KCNIP4: variants seen among roughly 807,000 people sequenced by gnomAD.
KCNIP4 encodes potassium voltage-gated channel interacting protein 4, also known as Kv channel-interacting protein 4.
Under a neutral mutation model 34.0 loss-of-function variants are expected in KCNIP4, and 12 were observed. The observed-to-expected ratio is 0.35, with a 90% CI of 0.23 to 0.57. The LOEUF is 0.57. Among genes scored for constraint, KCNIP4 ranks in the 20% least tolerant of loss-of-function variants. The pLI, the probability that KCNIP4 is intolerant of heterozygous loss-of-function variation, is 0.83. For synonymous variants in KCNIP4, 124 were observed against 102.2 expected, an observed-to-expected ratio of 1.21 and a Z score of -1.29; for missense variants, 238 against 311.7, an observed-to-expected ratio of 0.76 and a Z score of 1.78.
At chr4:21,948,345 T>C (rs1439335936) in intron 1 of KCNIP4, among the ~76,000 whole-genome samples, 1 of 152,034 alleles carries the variant, frequency 6.6e-6, no homozygotes, top group Non-Finnish European at 1.5e-5. Context: ...CAAACACACT[T>C]CAAACATCTT....
At position 20,802,145 on chromosome 4, in the gene KCNIP4, A is replaced by ATATATATGC. The variant is rs1560475282; in HGVS notation, c.289-43264_289-43256dup. On this transcript the variant is annotated intron_variant, in intron 3 of 8. Transcript: ENST00000382152. ...ATGCTATATATATGCTATATATGCT[A>ATATATATGC]TATATATGCTATATATATGCTATAT... 7.6e-3 allele frequency among the ~76,000 whole-genome samples: 1,046 copies of ATATATATGC among 138,068 alleles called. 29 individuals are homozygous for ATATATATGC. The highest frequency in any genetic ancestry group is 0.027 in the African/African-American group (997 of 37,622). The allele number at this position is 138,068 out of a possible 152,430, so 90.6% of individuals were successfully genotyped here.
intron 1 of KCNIP4, among the ~76,000 whole-genome samples, chr4:21,889,577 C>T (rs1268141064): frequency 6.6e-6 from 1 of 152,058 alleles, no homozygotes; most frequent in Non-Finnish European, 1.5e-5. Context: ...AGAGGTTTCT[C>T]TTGGGGAGTG....
At chr4:21,247,379 T>C (rs1193860636) in intron 1 of KCNIP4, among the ~76,000 whole-genome samples, 1 of 151,832 alleles carries the variant, frequency 6.6e-6, no homozygotes, top group Non-Finnish European at 1.5e-5. Flanking sequence ...TTCTTGTTCA[T>C]TAGGACTCTT....
At chr4:21,311,356 G>A (rs62294089) in intron 1 of KCNIP4, among the ~76,000 whole-genome samples, 17,018 of 152,132 alleles carry the variant, frequency 0.11, 1,039 homozygotes, top group African/African-American at 0.15. Flanking sequence ...TTCACCACGA[G>A]TAATATAGGA....
At chr4:21,387,037 T>A (rs578066464) in intron 1 of KCNIP4, among the ~76,000 whole-genome samples, 74 of 152,244 alleles carry the variant, frequency 4.9e-4, no homozygotes, top group African/African-American at 1.8e-3. Flanking sequence ...AGAAACTGCA[T>A]TTTGGAGGCA....
intron 1 of KCNIP4, among the ~76,000 whole-genome samples, chr4:20,937,393 C>T (rs1163538237): frequency 6.6e-6 from 1 of 151,572 alleles, no homozygotes. Flanking sequence ...CGTCACCATG[C>T]CCGGCTAGTT....
intron 1 of KCNIP4, among the ~76,000 whole-genome samples, chr4:21,457,733 A>G (rs952353904): frequency 6.6e-6 from 1 of 152,050 alleles, no homozygotes; most frequent in Non-Finnish European, 1.5e-5. Flanking sequence ...CAGTCCCAGA[A>G]CAGGGTCACT....
At chr4:21,303,663 C>A in intron 1 of KCNIP4, 1 of 573,444 alleles carries the variant, frequency 1.7e-6, no homozygotes, top group South Asian at 2.8e-5. Context: ...TTAATCTTTC[C>A]TACCCTGAAA....
intron 1 of KCNIP4, among the ~76,000 whole-genome samples, chr4:20,922,547 G>GTCTGTCTATCTA (rs373186954): frequency 0.077 from 9,890 of 129,244 alleles, 435 homozygotes; most frequent in East Asian, 0.11. Flanking sequence ...CTGTCTGTCT[G>GTCTGTCTATCTA]TCTATCTATC....
At position 21,197,024 on chromosome 4, in the gene KCNIP4, G is replaced by A. The variant is rs543960091; in HGVS notation, c.62-314315C>T. On this transcript the variant is annotated intron_variant, in intron 1 of 8. Coordinates refer to ENST00000382152, the MANE Select transcript of KCNIP4 (RefSeq NM_025221.6). ...TTTTGAACTTAATGTAAACGGAATC[G>A]TAAACAATATAGCTTTTTGTGCTTT... 5.8e-4 allele frequency among the ~76,000 whole-genome samples: 89 copies of A among 152,188 alleles called. 1 individual carries two copies. The highest frequency in any genetic ancestry group is 1.6e-3 in the African/African-American group (68 of 41,534).
At chr4:21,446,100 C>T (rs567186070) in intron 1 of KCNIP4, among the ~76,000 whole-genome samples, 114 of 152,044 alleles carry the variant, frequency 7.5e-4, no homozygotes, top group African/African-American at 2.6e-3. Context: ...GTTAGAATGG[C>T]GATCATTAAA....
At chr4:21,723,878 C>A (rs1715002166) in intron 1 of KCNIP4, among the ~76,000 whole-genome samples, 1 of 152,026 alleles carries the variant, frequency 6.6e-6, no homozygotes, top group African/African-American at 2.4e-5. Context: ...CTCTGTAGGG[C>A]ATTAAGGCCT....
chr4:21,720,773 T>C (rs1222092018), intron 1 of KCNIP4, among the ~76,000 whole-genome samples: 1 of 150,516 alleles, frequency 6.6e-6, no homozygotes, highest in Non-Finnish European at 1.5e-5. Flanking sequence ...GCGGTGTTTG[T>C]TTTTTTGTCC....
chr4:21,158,382 C>T lies in KCNIP4; in HGVS notation c.62-275673G>A, dbSNP rs80196301. Among the ~76,000 whole-genome samples the T allele has an allele frequency of 1.8e-3, 280 of 152,160 alleles. 2 individuals are homozygous for T. Among genetic ancestry groups the T allele is most frequent in the African/African-American group, 6.3e-3 (261 of 41,524 alleles). On this transcript the variant is annotated intron_variant, in intron 1 of 8. Transcript: ENST00000382152. ...AAATACAGAGTAATATCTCTGATGA[C>T]CATTGGTGCAAAATTTCTAAAGAAA... is the stretch of plus-strand genomic sequence containing the variant.
intron 1 of KCNIP4, among the ~76,000 whole-genome samples, chr4:21,505,872 G>A (rs1286243546): frequency 1.3e-5 from 2 of 152,182 alleles, no homozygotes; most frequent in African/African-American, 4.8e-5. Context: ...GGAGACTGAG[G>A]CAGGTGGATC....
chr4:21,133,719 T>G (rs1272490101), intron 1 of KCNIP4, among the ~76,000 whole-genome samples: 1 of 152,232 alleles, frequency 6.6e-6, no homozygotes, highest in Non-Finnish European at 1.5e-5. Context: ...TTCTTCTGAT[T>G]CTGCCATAAT....
At chr4:20,788,301 A>G (rs1340374647) in intron 3 of KCNIP4, among the ~76,000 whole-genome samples, 1 of 152,242 alleles carries the variant, frequency 6.6e-6, no homozygotes, top group Non-Finnish European at 1.5e-5. Flanking sequence ...TGTTAAAAGT[A>G]AAACCCTGAA....
At chr4:21,261,968 T>C (rs1428009456) in intron 1 of KCNIP4, among the ~76,000 whole-genome samples, 2 of 152,206 alleles carry the variant, frequency 1.3e-5, no homozygotes, top group South Asian at 2.1e-4. Context: ...GACTGCAATC[T>C]GAATCAATAC....
At chr4:21,915,466 G>C (rs1728577219) in intron 1 of KCNIP4, among the ~76,000 whole-genome samples, 1 of 152,100 alleles carries the variant, frequency 6.6e-6, no homozygotes. Context: ...GTTCCAAGAG[G>C]AAAAATAACT....
Sources: allele counts gnomAD v4.1 joint callset (sites outside exome capture counted in the v4.1 genomes callset), GRCh38; gene constraint gnomAD v4.1.1; transcripts MANE v1.5; gene names NCBI Gene and HGNC (gene_info 2026-07-23, HGNC 2026-07-21).